GPD2: variants seen among roughly 807,000 people sequenced by gnomAD.
GPD2 encodes glycerol-3-phosphate dehydrogenase 2.
In GPD2, 54 loss-of-function variants were observed where a neutral mutation model predicts 82.4. That is an observed-to-expected ratio of 0.66 (90% CI 0.53 to 0.82). The LOEUF is 0.82. GPD2 is among the 40% of genes least tolerant of loss of function. The pLI is 0.00. For synonymous variants in GPD2, 288 were observed against 306.1 expected (o/e 0.94, Z 0.62); for missense variants, 748 against 896.2 (o/e 0.83, Z 2.11).
chr2:156,570,878 A>G (rs957888325), intron 12 of GPD2, among the ~76,000 whole-genome samples: 1 of 152,178 alleles, frequency 6.6e-6, no homozygotes, highest in African/African-American at 2.4e-5. Flanking sequence ...TGCAATTTGC[A>G]TGTTTATGCC....
At chr2:156,530,755 C>G (rs575658247) in intron 6 of GPD2, among the ~76,000 whole-genome samples, 8 of 152,132 alleles carry the variant, frequency 5.3e-5, no homozygotes, top group African/African-American at 9.7e-5. Flanking sequence ...GTATATTGAA[C>G]CAGCCTTGCA....
At chr2:156,572,290 T>C (rs1687669019) in intron 13 of GPD2, among the ~76,000 whole-genome samples, 1 of 152,184 alleles carries the variant, frequency 6.6e-6, no homozygotes, top group Admixed American at 6.6e-5. Flanking sequence ...AATCATACCA[T>C]ATTTATGTTT....
chr2:156,456,168 T>C (rs936891131), intron 1 of GPD2, among the ~76,000 whole-genome samples: 2 of 152,176 alleles, frequency 1.3e-5, no homozygotes, highest in East Asian at 3.9e-4. Flanking sequence ...TTTTCAGTGG[T>C]ACACCAAAGA....
intron 6 of GPD2, among the ~76,000 whole-genome samples, chr2:156,528,160 C>T (rs565007663): frequency 6.6e-6 from 1 of 152,164 alleles, no homozygotes; most frequent in African/African-American, 2.4e-5. Flanking sequence ...CCTCTTCCAA[C>T]AGCATTTAAA....
At chr2:156,533,531 A>C (rs1685943800) in intron 6 of GPD2, among the ~76,000 whole-genome samples, 1 of 151,222 alleles carries the variant, frequency 6.6e-6, no homozygotes, top group Non-Finnish European at 1.5e-5. Context: ...AGCTCTAGAT[A>C]GTTTTTTAAA....
the GPD2 span, among the ~76,000 whole-genome samples, chr2:156,411,642 A>G: frequency 6.6e-6 from 1 of 152,198 alleles, no homozygotes; most frequent in Non-Finnish European, 1.5e-5. Context: ...TGTATATTAA[A>G]CAAAACAGCA....
chr2:156,559,779 A>G (rs1043337816), intron 9 of GPD2, among the ~76,000 whole-genome samples: 2 of 152,154 alleles, frequency 1.3e-5, no homozygotes, highest in African/African-American at 4.8e-5. Context: ...ACACATACAC[A>G]CTCATACATG....
chr2:156,559,614 T>C (rs1687093733), intron 9 of GPD2, among the ~76,000 whole-genome samples: 2 of 152,202 alleles, frequency 1.3e-5, no homozygotes, highest in Admixed American at 1.3e-4. Flanking sequence ...CTAGTTTAAT[T>C]GACTAATCCA....
chr2:156,575,402 C>CTTTT (rs35297244), intron 13 of GPD2, among the ~76,000 whole-genome samples: 45 of 90,826 alleles, frequency 5.0e-4, no homozygotes, highest in South Asian at 1.5e-3. Flanking sequence ...CTTTTCTTTT[C>CTTTT]TTTTTTTTTT....
intron 6 of GPD2, among the ~76,000 whole-genome samples, chr2:156,520,754 T>A (rs954991866): frequency 6.6e-6 from 1 of 151,764 alleles, no homozygotes; most frequent in Non-Finnish European, 1.5e-5. Flanking sequence ...CCAGCTAATT[T>A]TTTTGTATTT....
rs116503732 is a variant in GPD2 at position 156,550,697 on chromosome 2, A to G, written c.922A>G (p.Ile308Val). 8,168 of 1,613,856 alleles carry G rather than the reference A, an allele frequency of 5.1e-3. 37 individuals carry two copies. Among genetic ancestry groups the G allele is most frequent in the Non-Finnish European group, 6.3e-3 (7,451 of 1,179,712 alleles). Reference sequence around the variant, plus strand: ...AATGGATGATAAAGACGCAGCAGCTATCTGCCAGCCAAGTGCTGGTGTCCA... The same window carrying G: ...AATGGATGATAAAGACGCAGCAGCTGTCTGCCAGCCAAGTGCTGGTGTCCA... ...RKMDDKDAAA[I>V]CQPSAGVHIV... The change falls in exon 8 of 17, where the codon ATC becomes GTC. Residue 308 changes from isoleucine to valine, a missense_variant. This residue lies in a region of GPD2 where 692 missense variants were observed against 809.7 expected (regional missense o/e 0.85). Coordinates refer to ENST00000438166, the MANE Select transcript of GPD2 (RefSeq NM_000408.5).
chr2:156,403,612 GGTGTGT>G, the GPD2 span, among the ~76,000 whole-genome samples: 1 of 147,924 alleles, frequency 6.8e-6, no homozygotes, highest in African/African-American at 2.5e-5. Flanking sequence ...GCATTCAAAG[GGTGTGT>G]GTGTGTGTGT....
In GPD2 at chr2:156,565,659, T is replaced by C. The variant is rs556304276; in HGVS notation, c.1166-3166T>C. Among the ~76,000 whole-genome samples, 3 of 152,230 alleles carry C rather than the reference T, an allele frequency of 2.0e-5. No homozygotes were observed. In the East Asian group the frequency reaches 5.8e-4, roughly 29 times the overall value. On this transcript the variant is annotated intron_variant, in intron 9 of 16. Coordinates refer to ENST00000438166, the MANE Select transcript of GPD2 (RefSeq NM_000408.5). ...TGTAGAGGTGATGGGTATCTACTCTTTCAGATTATAGTTATGTCAAGAGTG... is the reference window on the plus strand; with the variant it reads ...TGTAGAGGTGATGGGTATCTACTCTCTCAGATTATAGTTATGTCAAGAGTG...
At chr2:156,481,864 C>T (rs1033907637) in intron 2 of GPD2, among the ~76,000 whole-genome samples, 3 of 152,088 alleles carry the variant, frequency 2.0e-5, no homozygotes, top group Non-Finnish European at 1.5e-5. Flanking sequence ...TGTTGATGGA[C>T]ATTTAGGTTG....
At chr2:156,477,141 C>T (rs1683542063) in intron 2 of GPD2, among the ~76,000 whole-genome samples, 1 of 152,158 alleles carries the variant, frequency 6.6e-6, no homozygotes, top group African/African-American at 2.4e-5. Flanking sequence ...TTTAAAAACA[C>T]ATATTATGGC....
chr2:156,526,271 CT>C (rs1205139623), intron 6 of GPD2, among the ~76,000 whole-genome samples: 1 of 152,102 alleles, frequency 6.6e-6, no homozygotes, highest in Non-Finnish European at 1.5e-5. Context: ...TATTTCCTTT[CT>C]TTGGATACCA....
At chr2:156,523,804 G>A (rs114987220) in intron 6 of GPD2, among the ~76,000 whole-genome samples, 5,130 of 152,110 alleles carry the variant, frequency 0.034, 143 homozygotes, top group Non-Finnish European at 0.054. Flanking sequence ...TTGGCCTCCC[G>A]AAGTGCTGGG....
intron 1 of GPD2, among the ~76,000 whole-genome samples, chr2:156,457,643 G>GT (rs1254742130): frequency 2.0e-5 from 3 of 152,204 alleles, no homozygotes; most frequent in Admixed American, 6.5e-5. Flanking sequence ...TCCCCAACCT[G>GT]TGAGTGTTAA....
At chr2:156,511,554 C>T (rs1289332381) in intron 4 of GPD2, among the ~76,000 whole-genome samples, 1 of 151,930 alleles carries the variant, frequency 6.6e-6, no homozygotes, top group Non-Finnish European at 1.5e-5. Flanking sequence ...TTTTTCTTGA[C>T]AAGTCAGTTT....
Sources: gnomAD v4.1 joint callset for allele counts (sites outside exome capture counted in the v4.1 genomes callset) on GRCh38, gnomAD v4.1.1 for gene constraint, gnomAD v4.1.1 regional missense constraint, MANE v1.5 for transcripts, NCBI Gene and HGNC (gene_info 2026-07-23, HGNC 2026-07-21) for gene names.